Variants in RIPPLY2 observed in about 807,000 individuals in gnomAD.
RIPPLY2 encodes the protein ripply transcriptional repressor 2.
RIPPLY2 carries 20 observed loss-of-function variants against 17.7 expected under a neutral mutation model. The ratio of observed to expected loss-of-function variants is 1.13; its 90% CI spans 0.79 to 1.64. RIPPLY2 has a LOEUF of 1.64. Among genes scored for constraint, RIPPLY2 ranks in the 40% most tolerant of loss-of-function variants. RIPPLY2 has a pLI of 0.00. For missense variants in RIPPLY2, 213 were observed against 169.8 expected, an observed-to-expected ratio of 1.25 and a Z score of -1.41; for synonymous variants, 69 against 63.9, an observed-to-expected ratio of 1.08 and a Z score of -0.38.
intron 3 of RIPPLY2, chr6:83,856,867 A>G (rs1382665936): frequency 2.0e-5 from 3 of 152,440 alleles, no homozygotes; most frequent in Admixed American, 6.5e-5. Context: ...ATGTAGTGGT[A>G]GAACTCAATT....
chr6:83,855,460 T>C (rs2099454854), intron 3 of RIPPLY2: 1 of 152,206 alleles, frequency 6.6e-6, no homozygotes, highest in African/African-American at 2.4e-5. Flanking sequence ...TTATAACGTA[T>C]TGGATATGTT....
At chr6:83,854,376 T>G in intron 3 of RIPPLY2, 1 of 582,606 alleles carries the variant, frequency 1.7e-6, no homozygotes, top group East Asian at 2.8e-5. Context: ...ACATACTCAG[T>G]GAACTTGATG....
chr6:83,853,445 C>G lies in RIPPLY2; in HGVS notation c.29C>G (p.Thr10Arg), dbSNP rs2099454505. The G allele has an allele frequency of 1.9e-6, 3 of 1,544,074 alleles. No homozygotes were observed. Among genetic ancestry groups the G allele is most frequent in the African/African-American group, 1.4e-5 (1 of 73,070 alleles). MENAGGAEG[T>R]ESGAAACAAT... Reference sequence around the variant, plus strand: ...GAGAACGCGGGAGGCGCAGAGGGTACAGAGAGTGGAGCTGCGGCGTGCGCG... The same window carrying G: ...GAGAACGCGGGAGGCGCAGAGGGTAGAGAGAGTGGAGCTGCGGCGTGCGCG... The change falls in exon 1 of 4, where the codon ACA becomes AGA. Residue 10 changes from threonine to arginine, a missense_variant. Transcript: ENST00000369689.
At position 83,853,500 on chromosome 6, in the gene RIPPLY2, C is replaced by A; in HGVS notation, c.84C>A (p.Gly28=). Residue 28 remains glycine, a synonymous_variant, in exon 1 of 4, where the codon GGC becomes GGA. Transcript: ENST00000369689. ...CCGACGGCCCTACGCGGCGCGCGGGCGCGGACTCCGGGTAGGCTTCCCCGC... is the reference window on the plus strand; with the variant it reads ...CCGACGGCCCTACGCGGCGCGCGGGAGCGGACTCCGGGTAGGCTTCCCCGC... ...AATDGPTRRA[G]ADSGYAGFWR... The A allele has an allele frequency of 6.5e-7, 1 of 1,538,592 alleles. No homozygotes were observed. The highest frequency in any genetic ancestry group is 8.7e-7 in the Non-Finnish European group (1 of 1,145,410).
In RIPPLY2 at chr6:83,853,703, G is replaced by A. The variant is rs1347139175; in HGVS notation, c.104G>A (p.Gly35Asp). 3 of 1,613,638 alleles carry A rather than the reference G, an allele frequency of 1.9e-6. No homozygotes were observed. Among genetic ancestry groups the A allele is most frequent in the Middle Eastern group, 1.6e-4 (1 of 6,082 alleles). The change falls in exon 2 of 4, where the codon GGC becomes GAC. Residue 35 changes from glycine (G) to aspartate (D), a missense_variant. By Grantham distance (94) the Gly-to-Asp change is moderately conservative (BLOSUM62 -1). Transcript: ENST00000369689. ...GCTCCCCTATCCCGCAGATACGCAGGCTTCTGGAGACCCTGGGTGGACGCC... is the reference window on the plus strand; with the variant it reads ...GCTCCCCTATCCCGCAGATACGCAGACTTCTGGAGACCCTGGGTGGACGCC... ...RRAGADSGYA[G>D]FWRPWVDAGG...
At position 83,853,731 on chromosome 6, in the gene RIPPLY2, A is replaced by C; in HGVS notation, c.132A>C (p.Gly44=). Residue 44 remains glycine, a synonymous_variant, in exon 2 of 4, where the codon GGA becomes GGC. Transcript: ENST00000369689. ...AGFWRPWVDA[G]GKKEEETPNH... ...TCTGGAGACCCTGGGTGGACGCCGG[A>C]GGCAAGAAAGAAGAGGAGACGCCGA... 6.2e-7 allele frequency: 1 copy of C among 1,613,716 alleles called. No homozygotes were observed. Among genetic ancestry groups the C allele is most frequent in the Non-Finnish European group, 8.5e-7 (1 of 1,179,936 alleles).
intron 3 of RIPPLY2, chr6:83,856,353 A>C (rs1588553942): frequency 6.6e-6 from 1 of 152,244 alleles, no homozygotes; most frequent in South Asian, 2.1e-4. Context: ...CATACTGAAC[A>C]TAATGTAATC....
intron 2 of RIPPLY2, 152 bp from the exon 3 acceptor site, chr6:83,853,945 G>C: frequency 1.0e-6 from 1 of 1,001,112 alleles, no homozygotes; most frequent in East Asian, 2.5e-5. Flanking sequence ...GTGTCCTCTG[G>C]AGCGATGGGC....
intron 3 of RIPPLY2, chr6:83,856,693 A>G (rs1335799526): frequency 6.6e-6 from 1 of 152,196 alleles, no homozygotes; most frequent in Non-Finnish European, 1.5e-5. Flanking sequence ...GCATAGACAA[A>G]AATTTTAAAA....
At chr6:83,854,398 A>C (rs1243366752) in intron 3 of RIPPLY2, 1 of 557,702 alleles carries the variant, frequency 1.8e-6, no homozygotes. Context: ...ATATATTACG[A>C]AGAGGGAAAG....
At position 83,853,971 on chromosome 6, in the gene RIPPLY2, G is replaced by A. The variant is rs913035615; in HGVS notation, c.175-126G>A. 4 of 1,088,104 alleles carry A rather than the reference G, an allele frequency of 3.7e-6. No homozygotes were observed. In the African/African-American group the frequency reaches 4.6e-5, roughly 13 times the overall value. 67.4% of individuals were successfully genotyped at this position (1,088,104 alleles called of 1,614,324 possible). ...AGCGATGGGCCACAGGCACCCAGCC[G>A]GGAGCGAGGCTGCTGAGAGCCCTGG... is the stretch of plus-strand genomic sequence containing the variant. On this transcript the variant is annotated intron_variant, in intron 2 of 3. Coordinates refer to ENST00000369689, the MANE Select transcript of RIPPLY2 (RefSeq NM_001009994.3).
chr6:83,853,451 G>T lies in RIPPLY2; in HGVS notation c.35G>T (p.Ser12Ile). Residue 12 changes from serine (S) to isoleucine (I), a missense_variant, in exon 1 of 4, where the codon AGT becomes ATT. By Grantham distance (142) the Ser-to-Ile change is moderately radical. Coordinates refer to ENST00000369689, the MANE Select transcript of RIPPLY2 (RefSeq NM_001009994.3). ...ENAGGAEGTE[S>I]GAAACAATDG... ...GCGGGAGGCGCAGAGGGTACAGAGAGTGGAGCTGCGGCGTGCGCGGCCACC... is the reference window on the plus strand; with the variant it reads ...GCGGGAGGCGCAGAGGGTACAGAGATTGGAGCTGCGGCGTGCGCGGCCACC... 6.5e-7 allele frequency: 1 copy of T among 1,543,726 alleles called. No homozygotes were observed. Among genetic ancestry groups the T allele is most frequent in the East Asian group, 2.4e-5 (1 of 40,864 alleles).
At chr6:83,853,819 A>AC in intron 2 of RIPPLY2, 46 bp downstream of exon 2, 2 of 1,537,760 alleles carry the variant, frequency 1.3e-6, no homozygotes, top group Non-Finnish European at 1.8e-6. Flanking sequence ...CGGGTGCAGA[A>AC]GATCGACCAG....
intron 2 of RIPPLY2, 159 bp downstream of exon 2, chr6:83,853,932 G>T: frequency 1.0e-6 from 1 of 983,494 alleles, no homozygotes; most frequent in South Asian, 1.5e-5. Context: ...CGACGCGGCG[G>T]ATGTGTCCTC....
intron 3 of RIPPLY2, chr6:83,854,699 A>G (rs185186944): frequency 6.5e-6 from 1 of 154,240 alleles, no homozygotes; most frequent in Non-Finnish European, 1.4e-5. Flanking sequence ...AGTCACAGGA[A>G]GTCAGCCTTT....
Position 83,853,524 on chromosome 6 carries a change from G to A in RIPPLY2, c.95+13G>A. 1 of 1,534,378 alleles carries A rather than the reference G, an allele frequency of 6.5e-7. No homozygotes were observed. Among genetic ancestry groups the A allele is most frequent in the Non-Finnish European group, 8.7e-7 (1 of 1,144,626 alleles). ...GCGCGGACTCCGGGTAGGCTTCCCC[G>A]CGCTGCTCTGCGCCTCCCAGCTTCC... On this transcript the variant is annotated intron_variant, in intron 1 of 3. Transcript: ENST00000369689.
chr6:83,853,795 G>A (rs2099454575), intron 2 of RIPPLY2, 22 bp downstream of exon 2: 2 of 1,600,378 alleles, frequency 1.2e-6, no homozygotes, highest in Non-Finnish European at 1.7e-6. Flanking sequence ...ACGCGTCTCA[G>A]GCCGCGCCTC....
At chr6:83,856,409 T>C (rs375113086) in intron 3 of RIPPLY2, 10 of 152,338 alleles carry the variant, frequency 6.6e-5, no homozygotes, top group African/African-American at 1.7e-4. Flanking sequence ...ATGGGCTGTT[T>C]ACCCTGCACT....
intron 3 of RIPPLY2, 53 bp downstream of exon 3, chr6:83,854,214 G>T (rs572199406): frequency 3.1e-5 from 45 of 1,432,082 alleles, no homozygotes; most frequent in Non-Finnish European, 4.4e-5. Context: ...CCAGGGAGGA[G>T]CCAGGGGCAT....
Sources: allele counts gnomAD v4.1 joint callset, GRCh38; gene constraint gnomAD v4.1.1; transcripts MANE v1.5; gene names NCBI Gene and HGNC (gene_info 2026-07-23, HGNC 2026-07-21).